The following STX7 variants were observed in gnomAD, a reference collection of about 807,000 sequenced individuals.
The protein encoded by STX7 is syntaxin 7, also known as syntaxin-7.
In STX7, 34 loss-of-function variants were observed where a neutral mutation model predicts 39.6. The ratio of observed to expected loss-of-function variants is 0.86; its 90% CI spans 0.65 to 1.14. STX7 has a LOEUF of 1.14. Ranked by LOEUF, STX7 falls within the 50% of genes most tolerant of loss-of-function variation. The pLI, the probability that STX7 is intolerant of heterozygous loss-of-function variation, is 0.00. For synonymous variants in STX7, 119 were observed against 99.1 expected (o/e 1.20, Z -1.19); for missense variants, 284 against 310.4 (o/e 0.92, Z 0.64).
At chr6:132,488,059 C>T (rs925582898) in intron 2 of STX7, among the ~76,000 whole-genome samples, 5 of 152,144 alleles carry the variant, frequency 3.3e-5, no homozygotes, top group African/African-American at 1.2e-4. Flanking sequence ...TTAATACCAT[C>T]CAACAAATTC....
chr6:132,474,569 A>G (rs1261443612), intron 3 of STX7, among the ~76,000 whole-genome samples: 1 of 152,118 alleles, frequency 6.6e-6, no homozygotes, highest in East Asian at 1.9e-4. Flanking sequence ...CTTACTAGAT[A>G]TATGTGACTT....
chr6:132,464,152 C>T, intron 8 of STX7, 77 bp from the exon 9 acceptor site: 1 of 1,363,668 alleles, frequency 7.3e-7, no homozygotes, highest in South Asian at 1.2e-5. Context: ...AAATTTCATT[C>T]AAGGTAAGAT....
chr6:132,494,692 G>A (rs1437860976), intron 2 of STX7, among the ~76,000 whole-genome samples: 3 of 152,208 alleles, frequency 2.0e-5, no homozygotes, highest in African/African-American at 7.2e-5. Flanking sequence ...CCATGGGAGA[G>A]AGTGGTAGTT....
At position 132,449,823 on chromosome 6, in the gene STX7, T is replaced by C. The variant is rs1304076475; in HGVS notation, c.*10935A>G. On this transcript the variant is annotated 3_prime_UTR_variant, in exon 10 of 10. Coordinates refer to ENST00000367941, the MANE Select transcript of STX7 (RefSeq NM_003569.3). Reference sequence around the variant, plus strand: ...GTTATTCTACTTCTGCTAATTGCAATACCTGAATTCCTTGAATATCTAAAT... The same window carrying C: ...GTTATTCTACTTCTGCTAATTGCAACACCTGAATTCCTTGAATATCTAAAT... The C allele has an allele frequency of 2.0e-5, 3 of 152,246 alleles. No homozygotes were observed. The highest frequency in any genetic ancestry group is 4.4e-5 in the Non-Finnish European group (3 of 68,032). The allele number at this position is 152,246 out of a possible 1,614,324, so 9.4% of individuals were successfully genotyped here. A position where few individuals can be genotyped will look rare whatever the true frequency, so the allele number is the denominator to read the frequency against.
intron 5 of STX7, 66 bp from the exon 6 acceptor site, chr6:132,470,692 C>T (rs1774691915): frequency 1.8e-6 from 2 of 1,129,926 alleles, no homozygotes; most frequent in Non-Finnish European, 2.7e-6. Flanking sequence ...AAAAAATAAA[C>T]ACTCATATTT....
At chr6:132,500,529 C>T (rs1412626320) in intron 2 of STX7, among the ~76,000 whole-genome samples, 1 of 152,208 alleles carries the variant, frequency 6.6e-6, no homozygotes, top group Non-Finnish European at 1.5e-5. Flanking sequence ...GTAAAGGTAG[C>T]TTCCCCAGTC....
In STX7 at chr6:132,457,733, A is replaced by G. The variant is rs1260715136; in HGVS notation, c.*3025T>C. 1 of 152,230 alleles carries G rather than the reference A, an allele frequency of 6.6e-6. No individual in the cohort carries two copies. The highest frequency in any genetic ancestry group is 2.4e-5 in the African/African-American group (1 of 41,460). The allele number at this position is 152,230 out of a possible 1,614,324, so 9.4% of individuals were successfully genotyped here. On this transcript the variant is annotated 3_prime_UTR_variant, in exon 10 of 10. Transcript: ENST00000367941. ...CCACCAATGAATTTTTATCATATTT[A>G]AATGAACTTGAAAATGTCATTCAAC... is the stretch of plus-strand genomic sequence containing the variant.
chr6:132,460,954 T>C (rs1774380637), intron 9 of STX7, 104 bp from the exon 10 acceptor site: 1 of 945,766 alleles, frequency 1.1e-6, no homozygotes, highest in African/African-American at 1.7e-5. Context: ...TAGAGTAAAA[T>C]CAGTAGTAGT....
chr6:132,499,102 G>A (rs968250413), intron 2 of STX7, among the ~76,000 whole-genome samples: 2 of 152,030 alleles, frequency 1.3e-5, no homozygotes, highest in African/African-American at 4.8e-5. Flanking sequence ...TCTATACGGT[G>A]GATGAAATGT....
chr6:132,504,436 T>A (rs1291375869), intron 1 of STX7, among the ~76,000 whole-genome samples: 3 of 151,918 alleles, frequency 2.0e-5, no homozygotes, highest in African/African-American at 7.3e-5. Context: ...TCCACACCAC[T>A]CCAATCAGGG....
chr6:132,464,429 T>A (rs9493327), intron 8 of STX7, among the ~76,000 whole-genome samples: 35,992 of 152,072 alleles, frequency 0.24, 4,646 homozygotes, highest in East Asian at 0.54. Context: ...CACAGCTTGG[T>A]CTATGTCAAG....
Position 132,449,702 on chromosome 6 carries a change from T to C in STX7, c.*11056A>G, listed in dbSNP as rs1322745401. ...TATATATTTCAATAATTAAATTTCATACCTAAGTTGTCTTTGGTTCTTTTT... is the reference window on the plus strand; with the variant it reads ...TATATATTTCAATAATTAAATTTCACACCTAAGTTGTCTTTGGTTCTTTTT... On this transcript the variant is annotated 3_prime_UTR_variant, in exon 10 of 10. Coordinates refer to ENST00000367941, the MANE Select transcript of STX7 (RefSeq NM_003569.3). 1.3e-5 allele frequency: 2 copies of C among 152,350 alleles called. No homozygotes were observed. The highest frequency in any genetic ancestry group is 2.9e-5 in the Non-Finnish European group (2 of 68,042). 9.4% of individuals were successfully genotyped at this position (152,350 alleles called of 1,614,324 possible).
Position 132,454,761 on chromosome 6 carries a change from T to C in STX7, c.*5997A>G, listed in dbSNP as rs977580834. On this transcript the variant is annotated 3_prime_UTR_variant, in exon 10 of 10. Transcript: ENST00000367941. ...ATTTTGAACAAAAAATGTTTGTTTA[T>C]TGCCTCCAAGATAGAACATGAATTT... is the stretch of plus-strand genomic sequence containing the variant. 2.0e-5 allele frequency: 3 copies of C among 152,192 alleles called. No individual in the cohort carries two copies. The highest frequency in any genetic ancestry group is 4.4e-5 in the Non-Finnish European group (3 of 68,020). 9.4% of individuals were successfully genotyped at this position (152,192 alleles called of 1,614,324 possible).
chr6:132,464,047 T>C lies in STX7; in HGVS notation c.639A>G (p.Ala213=). ...IDSIEANVEN[A]EVHVQQANQQ... ...GATTTGCTTGCTGAACGTGCACCTC[T>C]GCATTTTCCACATTGGCTTCTATGC... is the stretch of plus-strand genomic sequence containing the variant. Residue 213 remains alanine (A), a synonymous_variant, in exon 9 of 10, where the codon GCA becomes GCG. Coordinates refer to ENST00000367941, the MANE Select transcript of STX7 (RefSeq NM_003569.3). 6.2e-7 allele frequency: 1 copy of C among 1,614,120 alleles called. No homozygotes were observed. Among genetic ancestry groups the C allele is most frequent in the Non-Finnish European group, 8.5e-7 (1 of 1,179,994 alleles).
chr6:132,476,813 A>C (rs1027372171), intron 2 of STX7, among the ~76,000 whole-genome samples: 5 of 152,142 alleles, frequency 3.3e-5, no homozygotes, highest in African/African-American at 1.2e-4. Flanking sequence ...GGCTCTACAC[A>C]AAAGGGGAGG....
intron 1 of STX7, among the ~76,000 whole-genome samples, chr6:132,504,307 C>A (rs751917197): frequency 6.6e-6 from 1 of 152,166 alleles, no homozygotes; most frequent in Non-Finnish European, 1.5e-5. Context: ...ATCAAACCTT[C>A]CTGACAGAGG....
chr6:132,468,439 A>G lies in STX7; in HGVS notation c.574T>C (p.Leu192=). The G allele has an allele frequency of 6.2e-7, 1 of 1,607,356 alleles. No individual in the cohort carries two copies. The highest frequency in any genetic ancestry group is 8.5e-7 in the Non-Finnish European group (1 of 1,176,502). ...IMDINEIFKD[L]GMMIHEQGDV... is the part of the protein sequence containing the mutation. ...CCTTGTTCATGAATCATCATTCCCA[A>G]ATCTTTAAATATTTCATTAATATCC... Residue 192 remains leucine (L), a synonymous_variant, in exon 8 of 10, where the codon TTG becomes CTG. Coordinates refer to ENST00000367941, the MANE Select transcript of STX7 (RefSeq NM_003569.3).
rs1404619649 is a variant in STX7, at chr6:132,509,449, C to CAAAAT, written c.-59+3553_-59+3557dup. On this transcript the variant is annotated intron_variant, in intron 1 of 9. Transcript: ENST00000367941. Reference sequence around the variant, plus strand: ...CCCGGCGACAGAGCGAGACTCGTCTCAAAATAACATAACATAACATAACAT... The same window carrying CAAAAT: ...CCCGGCGACAGAGCGAGACTCGTCTCAAAATAAAATAACATAACATAACATAACAT... Among the ~76,000 whole-genome samples the CAAAAT allele has an allele frequency of 9.8e-3, 315 of 32,038 alleles. 39 individuals carry two copies. Among genetic ancestry groups the CAAAAT allele is most frequent in the African/African-American group, 0.043 (292 of 6,864 alleles). 21.0% of individuals were successfully genotyped at this position (32,038 alleles called of 152,430 possible).
At position 132,465,105 on chromosome 6, in the gene STX7, T is replaced by G. The variant is rs144900336; in HGVS notation, c.611-1030A>C. Among the ~76,000 whole-genome samples, 573 of 152,274 alleles carry G rather than the reference T, an allele frequency of 3.8e-3. 3 individuals carry two copies. Among genetic ancestry groups the G allele is most frequent in the Non-Finnish European group, 7.0e-3 (479 of 68,018 alleles). ...ACTTCTCTTATACATACTGGTGACT[T>G]CAAGATCCAACTGCTGACCCTTCTA... On this transcript the variant is annotated intron_variant, in intron 8 of 9. Transcript: ENST00000367941.
Sources: gnomAD v4.1 joint callset for allele counts (sites outside exome capture counted in the v4.1 genomes callset) on GRCh38, gnomAD v4.1.1 for gene constraint, MANE v1.5 for transcripts, NCBI Gene and HGNC (gene_info 2026-07-23, HGNC 2026-07-21) for gene names.